SDK1: variants seen among roughly 807,000 people sequenced by gnomAD.
SDK1 encodes sidekick cell adhesion molecule 1.
Under a neutral mutation model 245.5 loss-of-function variants are expected in SDK1, and 157 were observed. The observed-to-expected ratio is 0.64, with a 90% CI of 0.56 to 0.73. SDK1 has a LOEUF of 0.73. SDK1 is among the 30% of genes least tolerant of loss of function. SDK1 has a pLI of 0.00. For missense variants in SDK1, 3,583 were observed against 3,002.3 expected (o/e 1.19, Z -4.52); for synonymous variants, 1,647 against 1,278.5 (o/e 1.29, Z -6.15).
chr7:3,510,396 G>A (rs35790534), intron 1 of SDK1, among the ~76,000 whole-genome samples: 9,135 of 152,270 alleles, frequency 0.06, 391 homozygotes, highest in East Asian at 0.21. Context: ...TATGTTCCAT[G>A]TAGTTGTGAG....
chr7:3,459,512 C>T (rs754992262), intron 1 of SDK1, among the ~76,000 whole-genome samples: 5 of 152,156 alleles, frequency 3.3e-5, no homozygotes, highest in African/African-American at 7.2e-5. Flanking sequence ...AATTTTTGTT[C>T]TGTGCTTTTG....
At chr7:4,246,619 C>G (rs1184105216) in intron 44 of SDK1, among the ~76,000 whole-genome samples, 2 of 152,158 alleles carry the variant, frequency 1.3e-5, no homozygotes, top group Non-Finnish European at 2.9e-5. Context: ...AAGCTTCTGT[C>G]CTAGCTCCCT....
intron 1 of SDK1, among the ~76,000 whole-genome samples, chr7:3,372,307 ACAACTGAT>A (rs913225120): frequency 1.3e-5 from 2 of 152,214 alleles, no homozygotes; most frequent in African/African-American, 4.8e-5. Context: ...CTAGTCCAAC[ACAACTGAT>A]CAGGAAGTTG....
intron 7 of SDK1, among the ~76,000 whole-genome samples, chr7:3,956,512 G>C (rs777636944): frequency 2.6e-5 from 4 of 152,208 alleles, no homozygotes; most frequent in Non-Finnish European, 5.9e-5. Context: ...CTCTGCACCT[G>C]CTCCCCAGGC....
chr7:3,896,858 C>T (rs1781622124), intron 5 of SDK1, among the ~76,000 whole-genome samples: 1 of 152,170 alleles, frequency 6.6e-6, no homozygotes, highest in Admixed American at 6.5e-5. Flanking sequence ...TGTTTTCACA[C>T]TGCTATAAAT....
Position 4,149,348 on chromosome 7 carries a change from G to A in SDK1, c.4510G>A (p.Asp1504Asn), listed in dbSNP as rs768252192. The change falls in exon 30 of 45, where the codon GAC (aspartate) becomes AAC (asparagine). Residue 1504 changes from aspartate to asparagine, a missense_variant. Asp to Asn is a conservative substitution (Grantham distance 23). Coordinates refer to ENST00000404826, the MANE Select transcript of SDK1 (RefSeq NM_152744.4). ...SLRLQWVPGSDGASPIRYFTM... is the reference protein window; with the variant it reads ...SLRLQWVPGSNGASPIRYFTM... ...CCGGCTCCAGTGGGTCCCGGGCAGC[G>A]ACGGGGCCTCCCCCATCCGGTACTT... 1.4e-5 allele frequency: 23 copies of A among 1,591,216 alleles called. No homozygotes were observed. The highest frequency in any genetic ancestry group is 1.7e-4 in the Middle Eastern group (1 of 6,002).
chr7:3,933,831 AG>A (rs1189777954), intron 5 of SDK1, among the ~76,000 whole-genome samples: 1 of 152,174 alleles, frequency 6.6e-6, no homozygotes, highest in Admixed American at 6.5e-5. Context: ...AAAAATAAAA[AG>A]GGGGGTGACC....
At chr7:3,489,404 C>G (rs567438450) in intron 1 of SDK1, among the ~76,000 whole-genome samples, 2 of 152,266 alleles carry the variant, frequency 1.3e-5, no homozygotes, top group South Asian at 4.2e-4. Context: ...TGCTGCAGCG[C>G]TGAAAATTAT....
intron 4 of SDK1, among the ~76,000 whole-genome samples, chr7:3,776,581 T>G (rs894030771): frequency 6.6e-6 from 1 of 152,212 alleles, no homozygotes; most frequent in African/African-American, 2.4e-5. Context: ...TATGTGAATA[T>G]GTATAAACCA....
intron 1 of SDK1, among the ~76,000 whole-genome samples, chr7:3,378,313 A>C (rs1379339129): frequency 6.6e-6 from 1 of 152,080 alleles, no homozygotes; most frequent in Non-Finnish European, 1.5e-5. Flanking sequence ...GTCTTGCAGG[A>C]TTCTTTAATT....
intron 5 of SDK1, among the ~76,000 whole-genome samples, chr7:3,838,696 G>A (rs901470409): frequency 5.3e-5 from 8 of 152,230 alleles, no homozygotes; most frequent in Non-Finnish European, 1.2e-4. Flanking sequence ...CTGATGGGAT[G>A]CTGCTCTCAA....
At chr7:3,547,457 A>T (rs1026789613) in intron 1 of SDK1, among the ~76,000 whole-genome samples, 26 of 152,356 alleles carry the variant, frequency 1.7e-4, no homozygotes, top group Admixed American at 1.2e-3. Flanking sequence ...TGCCGTTATG[A>T]TTAATAAACA....
At chr7:3,794,601 C>A (rs918324018) in intron 4 of SDK1, among the ~76,000 whole-genome samples, 2 of 152,126 alleles carry the variant, frequency 1.3e-5, no homozygotes, top group African/African-American at 4.8e-5. Context: ...TAAGTTCGCA[C>A]CCTCAACCCC....
At chr7:3,306,982 T>C (rs1779432287) in intron 1 of SDK1, among the ~76,000 whole-genome samples, 2 of 152,152 alleles carry the variant, frequency 1.3e-5, no homozygotes, top group South Asian at 4.1e-4. Context: ...CAGGTCCAAA[T>C]GCGTTGAAAG....
chr7:4,152,422 T>C (rs926445132), intron 30 of SDK1, among the ~76,000 whole-genome samples: 2 of 152,156 alleles, frequency 1.3e-5, no homozygotes, highest in Admixed American at 6.5e-5. Flanking sequence ...CTTAGCTTAA[T>C]TGGCAGTGTG....
chr7:3,817,416 G>A (rs140059869), intron 4 of SDK1, among the ~76,000 whole-genome samples: 8 of 152,338 alleles, frequency 5.3e-5, no homozygotes, highest in Non-Finnish European at 7.3e-5. Flanking sequence ...ATTTCCAATA[G>A]TTGCTGATTA....
intron 5 of SDK1, among the ~76,000 whole-genome samples, chr7:3,924,660 C>G (rs969572303): frequency 7.2e-5 from 11 of 152,200 alleles, no homozygotes; most frequent in African/African-American, 2.7e-4. Context: ...CCTCCCGGCA[C>G]CTGCAGTCCG....
intron 1 of SDK1, among the ~76,000 whole-genome samples, chr7:3,563,823 G>T (rs1258990835): frequency 1.3e-5 from 2 of 151,904 alleles, no homozygotes; most frequent in African/African-American, 4.8e-5. Context: ...AATTTCCCAG[G>T]AATGAAAGCA....
At chr7:3,690,997 G>T (rs985787199) in intron 4 of SDK1, among the ~76,000 whole-genome samples, 1 of 152,260 alleles carries the variant, frequency 6.6e-6, no homozygotes, top group African/African-American at 2.4e-5. Context: ...CAGTGTGTTT[G>T]CCCTCACTGG....
Sources: gnomAD v4.1 joint callset for allele counts (sites outside exome capture counted in the v4.1 genomes callset) on GRCh38, gnomAD v4.1.1 for gene constraint, MANE v1.5 for transcripts, NCBI Gene and HGNC (gene_info 2026-07-23, HGNC 2026-07-21) for gene names.